Variants in GBX2 observed in about 807,000 individuals in gnomAD.
The protein encoded by GBX2 is gastrulation brain homeobox 2.
A neutral mutation model predicts 22.4 loss-of-function variants in GBX2; 5 were observed. That is an observed-to-expected ratio of 0.22 (90% CI 0.12 to 0.47). The LOEUF (loss-of-function observed/expected upper bound fraction) is 0.47. Ranked by LOEUF, GBX2 falls within the 20% of genes least tolerant of loss-of-function variation. The pLI, the probability that GBX2 is intolerant of heterozygous loss-of-function variation, is 0.99. For missense variants in GBX2, 470 were observed against 495.4 expected (o/e 0.95, Z 0.49); for synonymous variants, 220 against 230.5 (o/e 0.95, Z 0.41).
At chr2:236,164,147 G>A (rs1041730282), downstream of GBX2, among the ~76,000 whole-genome samples, 1 of 152,166 alleles carries the variant, frequency 6.6e-6, no homozygotes, top group African/African-American at 2.4e-5. Flanking sequence ...GGAGGTGACG[G>A]CCTGTAAGTA....
chr2:236,167,393 G>GCCCGCCCCCGCCTCCT, intron 1 of GBX2, 56 bp downstream of exon 1: 1 of 1,412,590 alleles, frequency 7.1e-7, no homozygotes, highest in Non-Finnish European at 9.2e-7. Flanking sequence ...CCCGGCGCTG[G>GCCCGCCCCCGCCTCCT]CCCGCCCCCG....
At chr2:236,163,474 A>T (rs571975329), downstream of GBX2, among the ~76,000 whole-genome samples, 31 of 152,312 alleles carry the variant, frequency 2.0e-4, no homozygotes, top group African/African-American at 7.5e-4. Flanking sequence ...TTGTGCGGTC[A>T]AAGCTTCGGG....
At position 236,168,053 on chromosome 2, in the gene GBX2, C is replaced by T. The variant is rs2060253149; in HGVS notation, c.-82G>A. The T allele has an allele frequency of 3.8e-6, 5 of 1,328,664 alleles. No individual in the cohort carries two copies. Among genetic ancestry groups the T allele is most frequent in the Non-Finnish European group, 4.8e-6 (5 of 1,041,394 alleles). 82.3% of individuals were successfully genotyped at this position (1,328,664 alleles called of 1,614,324 possible). On this transcript the variant is annotated 5_prime_UTR_variant, in exon 1 of 2. Coordinates refer to ENST00000306318, the MANE Select transcript of GBX2 (RefSeq NM_001485.4). ...CGGGAAGCCCGCCGGACGCCGGGAG[C>T]ACCGCCGGGAGCGCCGGGCAGGGGC... is the stretch of plus-strand genomic sequence containing the variant.
chr2:236,161,891 G>A (rs953187113), downstream of GBX2, among the ~76,000 whole-genome samples: 2 of 152,226 alleles, frequency 1.3e-5, no homozygotes, highest in Non-Finnish European at 2.9e-5. Flanking sequence ...GGAAGGCCCC[G>A]AGGTGAGAAC....
rs1239479713 is a variant in GBX2, at chr2:236,166,685, G to A, written c.524-248C>T. ...CCTTTGCCCAGAACCATCACTCAAA[G>A]GGCCGCCATGCCTCCCCCGCACCCT... On this transcript the variant is annotated intron_variant, in intron 1 of 1. Transcript: ENST00000306318. This position sits in a 1 kb window ranked among gnomAD's most constrained non-coding sequence, Gnocchi z 6.6. Among the ~76,000 whole-genome samples the A allele has an allele frequency of 1.3e-5, 2 of 152,232 alleles. No homozygotes were observed. Among genetic ancestry groups the A allele is most frequent in the East Asian group, 3.9e-4 (2 of 5,144 alleles).
rs1447609090 is a variant in GBX2, at chr2:236,165,901, C to T, written c.*13G>A. 1.3e-6 allele frequency: 2 copies of T among 1,597,078 alleles called. No homozygotes were observed. Among genetic ancestry groups the T allele is most frequent in the Middle Eastern group, 1.7e-4 (1 of 5,958 alleles). ...TCTCCAGGTGGGTGCCAGGCCCTGG[C>T]CCTTCTGGACCCTCAGGGCCGGGCC... On this transcript the variant is annotated 3_prime_UTR_variant, in exon 2 of 2. Transcript: ENST00000306318.
rs1016248539 is a variant in GBX2 at position 236,166,494 on chromosome 2, C to A, written c.524-57G>T. 1 of 1,511,350 alleles carries A rather than the reference C, an allele frequency of 6.6e-7. No homozygotes were observed. Among genetic ancestry groups the A allele is most frequent in the Non-Finnish European group, 9.0e-7 (1 of 1,107,586 alleles). The allele number at this position is 1,511,350 out of a possible 1,614,324, so 93.6% of individuals were successfully genotyped here. ...ATTTCGCACACTGGCCTTCCTTTCT[C>A]CTTCCCACCGTCATTTGGACATTCC... On this transcript the variant is annotated intron_variant, in intron 1 of 1. Transcript: ENST00000306318. This position sits in a 1 kb window ranked among gnomAD's most constrained non-coding sequence, Gnocchi z 6.6.
At chr2:236,164,838 T>C (rs1039913003), downstream of GBX2, among the ~76,000 whole-genome samples, 2 of 152,114 alleles carry the variant, frequency 1.3e-5, no homozygotes, top group Non-Finnish European at 2.9e-5. Context: ...GCCGGAGATA[T>C]TTGTAAAGGA....
downstream of GBX2, among the ~76,000 whole-genome samples, chr2:236,164,660 G>C (rs780587410): frequency 1.6e-4 from 25 of 152,272 alleles, no homozygotes; most frequent in Non-Finnish European, 2.4e-4. Flanking sequence ...CCGCCCGGAG[G>C]GGGAGGTGCC....
downstream of GBX2, among the ~76,000 whole-genome samples, chr2:236,161,863 T>C (rs996731275): frequency 2.6e-5 from 4 of 152,134 alleles, no homozygotes; most frequent in African/African-American, 9.7e-5. Context: ...ATGCGTGGGC[T>C]CCAGCCACTT....
At chr2:236,163,607 C>T (rs1204606019), downstream of GBX2, among the ~76,000 whole-genome samples, 1 of 152,220 alleles carries the variant, frequency 6.6e-6, no homozygotes, top group Non-Finnish European at 1.5e-5. Flanking sequence ...GTCTCTTCCC[C>T]CGACCCGCAG....
downstream of GBX2, among the ~76,000 whole-genome samples, chr2:236,164,750 T>C (rs933102994): frequency 1.3e-5 from 2 of 152,066 alleles, no homozygotes; most frequent in South Asian, 2.1e-4. Flanking sequence ...GGGTTTTTGC[T>C]CCTGTCGCCA....
chr2:236,167,371 C>A (rs1431066547), intron 1 of GBX2, 78 bp downstream of exon 1: 1 of 1,406,894 alleles, frequency 7.1e-7, no homozygotes, highest in Admixed American at 2.9e-5. Flanking sequence ...CCCCCTTGGT[C>A]TCCCGCGGGA....
rs1282288740 is a variant in GBX2 at position 236,167,955 on chromosome 2, G to A, written c.17C>T (p.Pro6Leu). MSAAF[P>L]PSLMMMQRPL... ...GCGCTGCATCATCATCAGCGACGGC[G>A]GGAACGCTGCGCTCATAGACGCGCT... is the stretch of plus-strand genomic sequence containing the variant. The change falls in exon 1 of 2, where the codon CCG becomes CTG. Residue 6 changes from proline to leucine, a missense_variant. Pro to Leu is a moderately conservative substitution (Grantham distance 98). This residue lies in a region of GBX2 where 377 missense variants were observed against 358.6 expected (regional missense o/e 1.05). Transcript: ENST00000306318. 6.4e-6 allele frequency: 10 copies of A among 1,560,432 alleles called. No individual in the cohort carries two copies. The highest frequency in any genetic ancestry group is 1.4e-5 in the African/African-American group (1 of 70,372).
At position 236,165,687 on chromosome 2, in the gene GBX2, A is replaced by G. The variant is rs1023595462; in HGVS notation, c.*227T>C. The G allele has an allele frequency of 2.6e-5, 14 of 534,240 alleles. No homozygotes were observed. Among genetic ancestry groups the G allele is most frequent in the Admixed American group, 2.3e-4 (7 of 30,068 alleles). The allele number at this position is 534,240 out of a possible 1,614,324, so 33.1% of individuals were successfully genotyped here. A position where few individuals can be genotyped will look rare whatever the true frequency, so the allele number is the denominator to read the frequency against. On this transcript the variant is annotated 3_prime_UTR_variant, in exon 2 of 2. Transcript: ENST00000306318. The stretch of plus-strand genomic sequence containing the variant: ...ATCCAGTCTATAGAGATATTTATGT[A>G]CAAAGTAGGATAGTATAATAAATAT...
At chr2:236,165,055 T>C (rs1576381288), downstream of GBX2, among the ~76,000 whole-genome samples, 1 of 152,296 alleles carries the variant, frequency 6.6e-6, no homozygotes, top group African/African-American at 2.4e-5. Context: ...CGTAATCCTA[T>C]CGGCCCTCTT....
chr2:236,167,345 C>G (rs2060245995), intron 1 of GBX2, 104 bp downstream of exon 1: 1 of 1,373,918 alleles, frequency 7.3e-7, no homozygotes, highest in Non-Finnish European at 9.6e-7. Context: ...GGGGGTCGAG[C>G]GGGGGCGCGG....
In GBX2 at chr2:236,166,051, G is replaced by T; in HGVS notation, c.910C>A (p.Arg304=). ...GAATTGGCATTGCCTGCCTTCACCC[G>T]TTTCCACTTGGCCCGTCGGTTCTGG... ...WFQNRRAKWK[R]VKAGNANSKT... The change falls in exon 2 of 2, where the codon CGG becomes AGG. Residue 304 remains arginine, a synonymous_variant. Coordinates refer to ENST00000306318, the MANE Select transcript of GBX2 (RefSeq NM_001485.4). The surrounding 1 kb of genome is among the most constrained non-coding windows in gnomAD (Gnocchi z 6.6). 1 of 1,614,222 alleles carries T rather than the reference G, an allele frequency of 6.2e-7. No homozygotes were observed. Among genetic ancestry groups the T allele is most frequent in the Admixed American group, 1.7e-5 (1 of 60,028 alleles).
chr2:236,162,071 C>T (rs2060215964), downstream of GBX2, among the ~76,000 whole-genome samples: 1 of 152,222 alleles, frequency 6.6e-6, no homozygotes, highest in Admixed American at 6.5e-5. Context: ...CCAGATGCAG[C>T]TGAAATAATT....
Sources: gnomAD v4.1 joint callset for allele counts (sites outside exome capture counted in the v4.1 genomes callset) on GRCh38, gnomAD v4.1.1 for gene constraint, gnomAD v4.1.1 regional missense constraint, Gnocchi (gnomAD v3.1) non-coding constraint, MANE v1.5 for transcripts, NCBI Gene and HGNC (gene_info 2026-07-23, HGNC 2026-07-21) for gene names.